PCBP3: variants seen among roughly 807,000 people sequenced by gnomAD.
PCBP3 encodes the protein poly(rC) binding protein 3, also known as poly(rC)-binding protein 3.
A neutral mutation model predicts 52.7 loss-of-function variants in PCBP3; 25 were observed. The observed-to-expected ratio is 0.47, with a 90% CI of 0.35 to 0.66. The LOEUF (loss-of-function observed/expected upper bound fraction) is 0.66, where lower values mean the gene tolerates loss of function less well. PCBP3 is among the 30% of genes least tolerant of loss of function. The pLI is 0.01. For synonymous variants in PCBP3, 162 were observed against 183.0 expected (o/e 0.89, Z 0.93); for missense variants, 391 against 490.3 (o/e 0.80, Z 1.91).
At chr21:45,714,554 TGAAAG>T in intron 2 of PCBP3, among the ~76,000 whole-genome samples, 1 of 152,120 alleles carries the variant, frequency 6.6e-6, no homozygotes, top group Non-Finnish European at 1.5e-5. Flanking sequence ...TCATATAACT[TGAAAG>T]GGATTAATAT....
chr21:45,801,558 G>A (rs2092305850), intron 4 of PCBP3, among the ~76,000 whole-genome samples: 1 of 152,198 alleles, frequency 6.6e-6, no homozygotes, highest in Non-Finnish European at 1.5e-5. Flanking sequence ...CTGGCCAGGT[G>A]CTGGTCACTG....
rs140449475 is a variant in PCBP3, at chr21:45,696,715, C to T, written c.-200+27763C>T. ...CTGAGGCAGGAGAATTGCTTGAACC[C>T]GGGAGGCAGAGGTTGCAGTGAGCCG... On this transcript the variant is annotated intron_variant, in intron 2 of 17. Transcript: ENST00000681687. 3.0e-4 allele frequency among the ~76,000 whole-genome samples: 46 copies of T among 151,730 alleles called. No individual in the cohort carries two copies. In the East Asian group the frequency reaches 7.6e-3, roughly 25 times the overall value.
In PCBP3 at chr21:45,923,116, C is replaced by T. The variant is rs570259851; in HGVS notation, c.717+5487C>T. Among the ~76,000 whole-genome samples the T allele has an allele frequency of 3.6e-4, 55 of 152,360 alleles. 1 individual carries two copies. The South Asian group carries it at 0.011, about 30-fold the overall frequency. ...GACACATGAAGGGCACGCGTGGGCT[C>T]TTGTGACAATCTCATGCACTTGCAG... On this transcript the variant is annotated intron_variant, in intron 13 of 17. Coordinates refer to ENST00000681687, the MANE Select transcript of PCBP3 (RefSeq NM_001384156.1).
chr21:45,764,952 G>A (rs2089151949), intron 4 of PCBP3, among the ~76,000 whole-genome samples: 1 of 152,244 alleles, frequency 6.6e-6, no homozygotes, highest in South Asian at 2.1e-4. Flanking sequence ...AGCTGGACAG[G>A]AAGGATCAGT....
chr21:45,699,375 G>C (rs2082972558), intron 2 of PCBP3, among the ~76,000 whole-genome samples: 1 of 152,172 alleles, frequency 6.6e-6, no homozygotes, highest in South Asian at 2.1e-4. Context: ...AGATAAGCCA[G>C]AGTTCAATCT....
chr21:45,689,500 C>T (rs950200605), intron 2 of PCBP3, among the ~76,000 whole-genome samples: 1 of 151,984 alleles, frequency 6.6e-6, no homozygotes, highest in East Asian at 1.9e-4. Context: ...AATGACTGAA[C>T]GTTTCCCCCT....
chr21:45,923,837 C>A (rs6518262), intron 13 of PCBP3, among the ~76,000 whole-genome samples: 1 of 72,186 alleles, frequency 1.4e-5, no homozygotes, highest in African/African-American at 6.2e-5. Context: ...ATGCGAACAC[C>A]GGGAACAGTC....
intron 16 of PCBP3, among the ~76,000 whole-genome samples, chr21:45,936,759 AT>A (rs2076937720): frequency 1.3e-5 from 2 of 152,216 alleles, no homozygotes; most frequent in Non-Finnish European, 2.9e-5. Flanking sequence ...TAAAATGGAA[AT>A]GAGCTTTAAG....
intron 1 of PCBP3, among the ~76,000 whole-genome samples, chr21:45,668,569 G>T (rs571089173): frequency 1.1e-4 from 17 of 151,896 alleles, no homozygotes; most frequent in Non-Finnish European, 1.9e-4. Context: ...GCTGGGGTAG[G>T]GTTGGGGGTG....
chr21:45,789,770 G>A (rs773609732), intron 4 of PCBP3, among the ~76,000 whole-genome samples: 17 of 152,224 alleles, frequency 1.1e-4, no homozygotes, highest in Non-Finnish European at 2.2e-4. Flanking sequence ...GGACATGCCA[G>A]TGCTTCTTGT....
In PCBP3 at chr21:45,791,590, C is replaced by T. The variant is rs2091575874; in HGVS notation, c.-126+36138C>T. ...GCTCGCGAGGGAGGTGTGCAACAGC[C>T]GGAAGGCAGGTGGCCGCCAACAACT... On this transcript the variant is annotated intron_variant, in intron 4 of 17. Coordinates refer to ENST00000681687, the MANE Select transcript of PCBP3 (RefSeq NM_001384156.1). This position sits in a 1 kb window ranked among gnomAD's most constrained non-coding sequence, Gnocchi z 4.2. Among the ~76,000 whole-genome samples, 1 of 152,158 alleles carries T rather than the reference C, an allele frequency of 6.6e-6. No homozygotes were observed. Among genetic ancestry groups the T allele is most frequent in the African/African-American group, 2.4e-5 (1 of 41,438 alleles).
intron 4 of PCBP3, among the ~76,000 whole-genome samples, chr21:45,780,598 C>G (rs2090565627): frequency 1.3e-5 from 2 of 152,148 alleles, no homozygotes; most frequent in African/African-American, 2.4e-5. Flanking sequence ...CTAAGAGAGG[C>G]CTGATCAGGA....
chr21:45,758,946 A>G (rs1019199624), intron 4 of PCBP3, among the ~76,000 whole-genome samples: 2 of 152,232 alleles, frequency 1.3e-5, no homozygotes, highest in Non-Finnish European at 2.9e-5. Flanking sequence ...ATCTACATCA[A>G]TTAAAATAAT....
intron 5 of PCBP3, among the ~76,000 whole-genome samples, chr21:45,895,380 A>G (rs1186347590): frequency 6.6e-6 from 1 of 152,178 alleles, no homozygotes; most frequent in East Asian, 1.9e-4. Flanking sequence ...TTTACGAGCC[A>G]GCCCCCTCGG....
At chr21:45,808,372 T>A (rs942366245) in intron 4 of PCBP3, among the ~76,000 whole-genome samples, 2 of 151,940 alleles carry the variant, frequency 1.3e-5, no homozygotes, top group African/African-American at 4.8e-5. Flanking sequence ...CATCAAAAAG[T>A]GGGCAAAGGA....
At chr21:45,919,370 C>G (rs2074075950) in intron 13 of PCBP3, 1 of 152,206 alleles carries the variant, frequency 6.6e-6, no homozygotes, top group African/African-American at 2.4e-5. Context: ...CTTCTGCAAA[C>G]CCTGATGCTT....
chr21:45,935,395 C>G, intron 16 of PCBP3, 90 bp downstream of exon 16: 1 of 919,794 alleles, frequency 1.1e-6, no homozygotes, highest in Non-Finnish European at 1.8e-6. Flanking sequence ...GCAGAGGGAC[C>G]CACTGCTTGG....
intron 4 of PCBP3, among the ~76,000 whole-genome samples, chr21:45,847,327 T>C (rs1161158326): frequency 6.6e-6 from 1 of 152,214 alleles, no homozygotes; most frequent in Non-Finnish European, 1.5e-5. Context: ...TCTGATTTAT[T>C]TGCTGTATTT....
chr21:45,658,966 T>C (rs1006961103), intron 1 of PCBP3, among the ~76,000 whole-genome samples: 4 of 152,134 alleles, frequency 2.6e-5, no homozygotes, highest in African/African-American at 9.7e-5. Context: ...ATAATATTTC[T>C]TTATAGTCCT....
Sources: allele counts gnomAD v4.1 joint callset (sites outside exome capture counted in the v4.1 genomes callset), GRCh38; gene constraint gnomAD v4.1.1; non-coding constraint Gnocchi (gnomAD v3.1); transcripts MANE v1.5; gene names NCBI Gene and HGNC (gene_info 2026-07-23, HGNC 2026-07-21).